Variants in LRRTM4 observed in about 807,000 individuals in gnomAD.
The protein encoded by LRRTM4 is leucine-rich repeat transmembrane neuronal protein 4.
In LRRTM4, 25 loss-of-function variants were observed where a neutral mutation model predicts 47.6. The observed-to-expected ratio is 0.53, with a 90% CI of 0.38 to 0.73. The LOEUF is 0.73. Among genes scored for constraint, LRRTM4 ranks in the 30% least tolerant of loss-of-function variants. The probability of loss-of-function intolerance (pLI) is 0.00; values close to 1 mark genes in which losing one functional copy is unlikely to be tolerated. For synonymous variants in LRRTM4, 311 were observed against 269.5 expected (o/e 1.15, Z -1.51); for missense variants, 638 against 713.4 (o/e 0.89, Z 1.20).
At chr2:77,445,408 C>T (rs925243650) in intron 3 of LRRTM4, among the ~76,000 whole-genome samples, 1 of 151,874 alleles carries the variant, frequency 6.6e-6, no homozygotes, top group African/African-American at 2.4e-5. Flanking sequence ...TGGACTAAGT[C>T]TCTTCTACCA....
At chr2:77,009,044 T>C (rs927312074) in intron 3 of LRRTM4, 11 of 152,048 alleles carry the variant, frequency 7.2e-5, no homozygotes, top group African/African-American at 2.4e-4. Flanking sequence ...CCTGGAGTTT[T>C]ACAATCATTT....
At chr2:76,802,257 GAATA>G (rs1271778793) in intron 3 of LRRTM4, among the ~76,000 whole-genome samples, 1 of 146,122 alleles carries the variant, frequency 6.8e-6, no homozygotes, top group Non-Finnish European at 1.5e-5. Context: ...AAAACTGTTA[GAATA>G]AATAAAGTAA....
chr2:77,499,946 C>A (rs911978803), intron 3 of LRRTM4, among the ~76,000 whole-genome samples: 2 of 151,398 alleles, frequency 1.3e-5, no homozygotes, highest in African/African-American at 4.8e-5. Context: ...TCTTGTCATT[C>A]CAGAAATTAT....
At chr2:76,786,277 A>C (rs1170585573) in intron 3 of LRRTM4, among the ~76,000 whole-genome samples, 4 of 152,158 alleles carry the variant, frequency 2.6e-5, no homozygotes, top group Admixed American at 2.0e-4. Context: ...GATCAATTTA[A>C]GTTTGAAAAT....
Position 76,952,852 on chromosome 2 carries a change from C to G in LRRTM4, c.1552-203936G>C, listed in dbSNP as rs1264983520. Among the ~76,000 whole-genome samples, 3 of 151,792 alleles carry G rather than the reference C, an allele frequency of 2.0e-5. 1 individual carries two copies. The highest frequency in any genetic ancestry group is 4.4e-5 in the Non-Finnish European group (3 of 67,926). ...CATACACTACAGAATACTACACAGT[C>G]ATAAAAAGAATGATATCATGTACTT... On this transcript the variant is annotated intron_variant, in intron 3 of 3. Coordinates refer to ENST00000409884, the MANE Select transcript of LRRTM4 (RefSeq NM_001134745.3).
intron 3 of LRRTM4, among the ~76,000 whole-genome samples, chr2:77,501,939 C>CA (rs1451908754): frequency 6.6e-6 from 1 of 150,844 alleles, no homozygotes; most frequent in African/African-American, 2.4e-5. Context: ...CAAATCATTG[C>CA]AAAAAAATTT....
At chr2:76,992,512 G>C (rs1012406976) in intron 3 of LRRTM4, among the ~76,000 whole-genome samples, 1 of 151,150 alleles carries the variant, frequency 6.6e-6, no homozygotes, top group African/African-American at 2.4e-5. Context: ...TTAAAATCAA[G>C]AACATTTTTC....
intron 3 of LRRTM4, among the ~76,000 whole-genome samples, chr2:76,924,298 C>T (rs186751437): frequency 1.3e-3 from 200 of 152,144 alleles, no homozygotes; most frequent in African/African-American, 4.7e-3. Flanking sequence ...TCTTTATAAA[C>T]TATTTTCCTC....
chr2:76,945,559 C>A (rs1457627063), intron 3 of LRRTM4, among the ~76,000 whole-genome samples: 2 of 151,980 alleles, frequency 1.3e-5, no homozygotes, highest in Non-Finnish European at 2.9e-5. Context: ...CATTTGATTA[C>A]AAAGTCTTTT....
intron 3 of LRRTM4, among the ~76,000 whole-genome samples, chr2:77,172,725 C>T (rs541187440): frequency 2.3e-4 from 35 of 152,252 alleles, no homozygotes; most frequent in South Asian, 4.1e-4. Flanking sequence ...AACGCATAGA[C>T]GGAAATTCTC....
chr2:77,457,119 T>C (rs1676594621), intron 3 of LRRTM4, among the ~76,000 whole-genome samples: 1 of 146,214 alleles, frequency 6.8e-6, no homozygotes, highest in Non-Finnish European at 1.5e-5. Flanking sequence ...TTCTCAGTGA[T>C]TTTTAAAAAT....
chr2:77,000,717 T>C (rs4637153), intron 3 of LRRTM4, among the ~76,000 whole-genome samples: 21,341 of 152,206 alleles, frequency 0.14, 1,607 homozygotes, highest in Admixed American at 0.2. Context: ...AGTAGTAGAA[T>C]GACTAAAATT....
chr2:77,016,140 C>G (rs1478949267), intron 3 of LRRTM4, among the ~76,000 whole-genome samples: 1 of 151,938 alleles, frequency 6.6e-6, no homozygotes, highest in Non-Finnish European at 1.5e-5. Flanking sequence ...ATAATCCCAG[C>G]ACTTTGGGAG....
intron 3 of LRRTM4, among the ~76,000 whole-genome samples, chr2:77,490,033 T>C (rs1195863343): frequency 1.3e-5 from 2 of 152,068 alleles, no homozygotes; most frequent in East Asian, 1.9e-4. Flanking sequence ...GCAGATCAGT[T>C]CAGGTAAGAA....
rs551819259 is a variant in LRRTM4, at chr2:76,954,327, A to G, written c.1552-205411T>C. 1.5e-3 allele frequency among the ~76,000 whole-genome samples: 226 copies of G among 152,022 alleles called. 2 individuals are homozygous for G. The highest frequency in any genetic ancestry group is 0.01 in the Middle Eastern group (3 of 294). On this transcript the variant is annotated intron_variant, in intron 3 of 3. Coordinates refer to ENST00000409884, the MANE Select transcript of LRRTM4 (RefSeq NM_001134745.3). Reference sequence around the variant, plus strand: ...GCTCAGAAAACAATGCATGAACAAAACGAGAATATCAGCAAGATAGAAATT... The same window carrying G: ...GCTCAGAAAACAATGCATGAACAAAGCGAGAATATCAGCAAGATAGAAATT...
At chr2:77,207,813 T>C (rs1010840441) in intron 3 of LRRTM4, among the ~76,000 whole-genome samples, 2 of 150,708 alleles carry the variant, frequency 1.3e-5, no homozygotes, top group East Asian at 3.9e-4. Flanking sequence ...AGTTTTTGTA[T>C]ACTCTGTTCC....
At chr2:76,762,663 T>C (rs1024248388) in intron 3 of LRRTM4, among the ~76,000 whole-genome samples, 13 of 152,168 alleles carry the variant, frequency 8.5e-5, no homozygotes, top group African/African-American at 3.1e-4. Context: ...CTCATTGATT[T>C]AGACTAATTA....
intron 3 of LRRTM4, among the ~76,000 whole-genome samples, chr2:76,853,580 G>A (rs535302208): frequency 2.8e-4 from 43 of 151,944 alleles, no homozygotes; most frequent in Admixed American, 5.9e-4. Context: ...GTATTTAAAA[G>A]TTACCTCCCT....
At chr2:77,411,504 G>T (rs1220867064) in intron 3 of LRRTM4, among the ~76,000 whole-genome samples, 21 of 144,328 alleles carry the variant, frequency 1.5e-4, no homozygotes, top group African/African-American at 5.4e-4. Context: ...CCAGGCTGGG[G>T]TGCAGTGGCG....
Sources: allele counts gnomAD v4.1 joint callset (sites outside exome capture counted in the v4.1 genomes callset), GRCh38; gene constraint gnomAD v4.1.1; transcripts MANE v1.5; gene names NCBI Gene and HGNC (gene_info 2026-07-23, HGNC 2026-07-21).